HIVEP1: variants seen among roughly 807,000 people sequenced by gnomAD.
HIVEP1 encodes the protein zinc finger protein 40.
A neutral mutation model predicts 180.0 loss-of-function variants in HIVEP1; 36 were observed. The ratio of observed to expected loss-of-function variants is 0.20; its 90% CI spans 0.15 to 0.26. HIVEP1 has a LOEUF of 0.26. Ranked by LOEUF, HIVEP1 falls within the 10% of genes least tolerant of loss-of-function variation. The pLI is 1.00. For synonymous variants in HIVEP1, 1,239 were observed against 1,239.0 expected, an observed-to-expected ratio of 1.00 and a Z score of 0.00; for missense variants, 3,143 against 3,268.7, an observed-to-expected ratio of 0.96 and a Z score of 0.94.
chr6:12,139,179 A>G (rs149732964), intron 7 of HIVEP1, among the ~76,000 whole-genome samples: 306 of 152,080 alleles, frequency 2.0e-3, no homozygotes, highest in Non-Finnish European at 3.9e-3. Flanking sequence ...CTGGTCAGGC[A>G]CCCACCAGGA....
In HIVEP1 at chr6:12,124,293, T is replaced by C; in HGVS notation, c.4498T>C (p.Ser1500Pro). Residue 1500 changes from serine (S) to proline (P), a missense_variant, in exon 4 of 9, where the codon TCT (serine) becomes CCT (proline). Coordinates refer to ENST00000379388, the MANE Select transcript of HIVEP1 (RefSeq NM_002114.4). ...GCAGGCAGAAACATCAAACTCCAGC[T>C]CTACCAACGTTTTTCCTGTTCAACA... ...DLQAETSNSS[S>P]TNVFPVQQLC... is the part of the protein sequence containing the mutation. 1.2e-6 allele frequency: 2 copies of C among 1,614,094 alleles called. No homozygotes were observed. Among genetic ancestry groups the C allele is most frequent in the East Asian group, 4.5e-5 (2 of 44,886 alleles).
At chr6:12,193,663 C>A in the HIVEP1 span, among the ~76,000 whole-genome samples, 1 of 152,130 alleles carries the variant, frequency 6.6e-6, no homozygotes, top group African/African-American at 2.4e-5. Flanking sequence ...AATTAATCCG[C>A]TATGTTTTTT....
chr6:12,017,599 T>G (rs1767893420), intron 2 of HIVEP1, among the ~76,000 whole-genome samples: 1 of 152,234 alleles, frequency 6.6e-6, no homozygotes, highest in Admixed American at 6.5e-5. Context: ...TCCTGCTGAT[T>G]GGTCCGTTTT....
chr6:12,164,692 T>C lies in HIVEP1; in HGVS notation c.*231T>C. 1 of 393,730 alleles carries C rather than the reference T, an allele frequency of 2.5e-6. No individual in the cohort carries two copies. The highest frequency in any genetic ancestry group is 4.5e-6 in the Non-Finnish European group (1 of 222,238). 24.4% of individuals were successfully genotyped at this position (393,730 alleles called of 1,614,324 possible). On this transcript the variant is annotated 3_prime_UTR_variant, in exon 9 of 9. Transcript: ENST00000379388. ...TTATGTTTAGAAACTGTACAGATTGTTGAATATCTATATACATAAAAATAT... is the reference window on the plus strand; with the variant it reads ...TTATGTTTAGAAACTGTACAGATTGCTGAATATCTATATACATAAAAATAT...
Position 12,124,873 on chromosome 6 carries a change from A to G in HIVEP1, c.5078A>G (p.His1693Arg), listed in dbSNP as rs1262317307. ...TCTGTGCCAACATTACAAAAAGGTC[A>G]TCAGAATGCTTTGCCAAACCCAGAG... ...QNSVPTLQKG[H>R]QNALPNPEKE... is the part of the protein sequence containing the mutation. The change falls in exon 4 of 9, where the codon CAT (histidine) becomes CGT (arginine). Residue 1693 changes from histidine (H) to arginine (R), a missense_variant. Physicochemically the swap from His to Arg is conservative, Grantham distance 29. Coordinates refer to ENST00000379388, the MANE Select transcript of HIVEP1 (RefSeq NM_002114.4). The G allele has an allele frequency of 6.2e-7, 1 of 1,614,118 alleles. No individual in the cohort carries two copies. The highest frequency in any genetic ancestry group is 1.3e-5 in the African/African-American group (1 of 74,952).
the HIVEP1 span, among the ~76,000 whole-genome samples, chr6:12,205,343 C>T: frequency 7.2e-5 from 11 of 151,954 alleles, no homozygotes; most frequent in Non-Finnish European, 1.5e-4. Flanking sequence ...TGGTGGCAGG[C>T]GCCTGTAGTC....
chr6:12,094,101 G>T (rs1214371092), intron 3 of HIVEP1, among the ~76,000 whole-genome samples: 1 of 151,712 alleles, frequency 6.6e-6, no homozygotes, highest in African/African-American at 2.4e-5. Context: ...CTATTTCTTA[G>T]AATTTGGTGT....
intron 3 of HIVEP1, among the ~76,000 whole-genome samples, chr6:12,100,411 G>A (rs184602370): frequency 9.9e-5 from 15 of 152,272 alleles, no homozygotes; most frequent in Non-Finnish European, 2.1e-4. Flanking sequence ...TATTTGTTTA[G>A]TAGTGGAGTG....
chr6:12,093,108 G>A (rs942867798), intron 3 of HIVEP1, among the ~76,000 whole-genome samples: 9 of 152,090 alleles, frequency 5.9e-5, no homozygotes, highest in Non-Finnish European at 1.0e-4. Flanking sequence ...TAGTTTGTTA[G>A]GTCATAACTC....
chr6:12,086,277 A>G (rs1773118341), intron 2 of HIVEP1, among the ~76,000 whole-genome samples: 1 of 152,180 alleles, frequency 6.6e-6, no homozygotes, highest in Admixed American at 6.6e-5. Context: ...GTAAAAATTG[A>G]ATGAATTAAG....
chr6:12,150,843 A>G (rs1759660855), intron 7 of HIVEP1, among the ~76,000 whole-genome samples: 1 of 152,164 alleles, frequency 6.6e-6, no homozygotes, highest in Middle Eastern at 3.2e-3. Flanking sequence ...CTAGGTTGCC[A>G]TTGTTTATCT....
intron 2 of HIVEP1, among the ~76,000 whole-genome samples, chr6:12,018,256 C>T (rs1422410759): frequency 6.6e-6 from 1 of 152,212 alleles, no homozygotes; most frequent in Non-Finnish European, 1.5e-5. Context: ...CCCGTTCCTG[C>T]CCGCGCTTCT....
rs770702579 is a variant in HIVEP1, at chr6:12,121,292, C to T, written c.1497C>T (p.Gly499=). The part of the protein sequence containing the change: ...VEDSGESEEE[G]ATDERQHDLG... ...ACAGTGGGGAGAGCGAGGAGGAAGG[C>T]GCCACTGATGAGAGACAGCATGACC... The change falls in exon 4 of 9, where the codon GGC becomes GGT. Residue 499 remains glycine (G), a synonymous_variant. Coordinates refer to ENST00000379388, the MANE Select transcript of HIVEP1 (RefSeq NM_002114.4). The surrounding 1 kb of genome is among the most constrained non-coding windows in gnomAD (Gnocchi z 5.3). 5.1e-5 allele frequency: 83 copies of T among 1,613,954 alleles called. No homozygotes were observed. In the South Asian group the frequency reaches 6.9e-4, roughly 13 times the overall value.
At chr6:12,011,910 T>G, upstream of HIVEP1, 1 of 18,234 alleles carries the variant, frequency 5.5e-5, no homozygotes, top group African/African-American at 2.1e-4. Flanking sequence ...CCTCCCCTCC[T>G]CCCGCCCCCG....
At chr6:12,105,420 C>T (rs894807958) in intron 3 of HIVEP1, among the ~76,000 whole-genome samples, 2 of 152,192 alleles carry the variant, frequency 1.3e-5, no homozygotes, top group Non-Finnish European at 2.9e-5. Flanking sequence ...GCCCCAGCTA[C>T]TGATCTCCCC....
chr6:12,147,998 A>T (rs1759473194), intron 7 of HIVEP1, among the ~76,000 whole-genome samples: 1 of 152,166 alleles, frequency 6.6e-6, no homozygotes, highest in Admixed American at 6.5e-5. Flanking sequence ...TATGTTTTAA[A>T]ACCTTGCCCC....
At chr6:12,127,738 T>C (rs147473873) in intron 4 of HIVEP1, among the ~76,000 whole-genome samples, 106 of 152,298 alleles carry the variant, frequency 7.0e-4, no homozygotes, top group African/African-American at 2.4e-3. Context: ...GTATGGAAAC[T>C]GAAAGAGTTT....
At chr6:12,176,501 G>T in the HIVEP1 span, among the ~76,000 whole-genome samples, 1 of 151,992 alleles carries the variant, frequency 6.6e-6, no homozygotes, top group Non-Finnish European at 1.5e-5. Flanking sequence ...TAAATTGTTG[G>T]GATTACAGGC....
chr6:12,112,631 G>A (rs1323343289), intron 3 of HIVEP1, among the ~76,000 whole-genome samples: 1 of 152,028 alleles, frequency 6.6e-6, no homozygotes, highest in Admixed American at 6.5e-5. Flanking sequence ...TAGTGCCCCT[G>A]CTCAGCTTGC....
Sources: gnomAD v4.1 joint callset for allele counts (sites outside exome capture counted in the v4.1 genomes callset) on GRCh38, gnomAD v4.1.1 for gene constraint, Gnocchi (gnomAD v3.1) non-coding constraint, MANE v1.5 for transcripts, NCBI Gene and HGNC (gene_info 2026-07-23, HGNC 2026-07-21) for gene names.